The following DNAH17 variants were observed in gnomAD, a reference collection of about 807,000 sequenced individuals.
DNAH17 encodes the protein dynein axonemal heavy chain 17.
A neutral mutation model predicts 485.6 loss-of-function variants in DNAH17; 376 were observed. That is an observed-to-expected ratio of 0.77 (90% CI 0.71 to 0.84). The LOEUF is 0.84. Among genes scored for constraint, DNAH17 ranks in the 40% least tolerant of loss-of-function variants. The pLI is 0.00. For missense variants in DNAH17, 6,370 were observed against 5,839.3 expected (o/e 1.09, Z -2.96); for synonymous variants, 3,031 against 2,405.9 (o/e 1.26, Z -7.60).
chr17:78,544,037 G>C (rs373299270), intron 16 of DNAH17, 40 bp from the exon 17 acceptor site: 2 of 1,612,800 alleles, frequency 1.2e-6, no homozygotes, highest in African/African-American at 2.7e-5. Context: ...GTGTTCTGGA[G>C]AAACTGCTTT....
Position 78,562,005 on chromosome 17 carries a change from T to TC in DNAH17, c.1570-26dup, listed in dbSNP as rs745501989. 6 of 1,545,370 alleles carry TC rather than the reference T, an allele frequency of 3.9e-6. No individual in the cohort carries two copies. The African/African-American group carries it at 5.5e-5, about 14-fold the overall frequency. On this transcript the variant is annotated intron_variant, in intron 11 of 80. Transcript: ENST00000389840. ...GCTGAGGACAAAGGAGAAGGGGGCC[T>TC]CTTCACCACAGTCTCCTCCCCTTCC... is the stretch of plus-strand genomic sequence containing the variant.
intron 48 of DNAH17, 58 bp downstream of exon 48, chr17:78,484,810 G>T: frequency 1.0e-5 from 13 of 1,258,100 alleles, no homozygotes; most frequent in Non-Finnish European, 1.2e-5. Context: ...GCCCCGCCCT[G>T]GCCCCGCCCT....
chr17:78,445,585 G>A lies in DNAH17; in HGVS notation c.11307C>T (p.Leu3769=). ...KAGVVSPVDF[L]QHQGWGGIKA... ...TGATCCCGCCCCAGCCTTGATGCTGGAGGAAGTCCACTGGTGAGACCACTC... is the reference window on the plus strand; with the variant it reads ...TGATCCCGCCCCAGCCTTGATGCTGAAGGAAGTCCACTGGTGAGACCACTC... Residue 3769 remains leucine, a synonymous_variant, in exon 70 of 81, where the codon CTC becomes CTT. Transcript: ENST00000389840. The A allele has an allele frequency of 6.4e-7, 1 of 1,563,344 alleles. No individual in the cohort carries two copies. The highest frequency in any genetic ancestry group is 8.7e-7 in the Non-Finnish European group (1 of 1,153,472).
chr17:78,484,816 G>A (rs1237403258), intron 48 of DNAH17, 52 bp downstream of exon 48: 12 of 1,249,090 alleles, frequency 9.6e-6, no homozygotes, highest in Middle Eastern at 2.5e-4. Context: ...CCCTGGCCCC[G>A]CCCTCACCGC....
At chr17:78,483,749 G>C (rs1485893731) in intron 48 of DNAH17, among the ~76,000 whole-genome samples, 1 of 152,130 alleles carries the variant, frequency 6.6e-6, no homozygotes, top group Non-Finnish European at 1.5e-5. Context: ...CAGGCTTCAT[G>C]AACGAGCAGA....
chr17:78,472,317 G>C (rs530512259), intron 54 of DNAH17, among the ~76,000 whole-genome samples: 1 of 142,382 alleles, frequency 7.0e-6, no homozygotes, highest in South Asian at 2.1e-4. Flanking sequence ...CGAGGGTTAG[G>C]GTTAGGGAAT....
Position 78,475,305 on chromosome 17 carries a change from C to A in DNAH17, c.8484G>T (p.Lys2828Asn). Residue 2828 changes from lysine (K) to asparagine (N), a missense_variant, in exon 54 of 81, where the codon AAG becomes AAT. Coordinates refer to ENST00000389840, the MANE Select transcript of DNAH17 (RefSeq NM_173628.4). ...SGLDVFQITL[K>N]KGYGIPDLKI... is the part of the protein sequence containing the mutation. ...TGAGGTCGGGGATCCCGTAGCCCTT[C>A]TTGAGGGTGATCTGAAACACGTCAA... 6.2e-7 allele frequency: 1 copy of A among 1,614,046 alleles called. No homozygotes were observed.
rs370344478 is a variant in DNAH17, at chr17:78,480,013, CTTTTTTTTTTTTTT to C, written c.7753-395_7753-382del. Among the ~76,000 whole-genome samples, 153 of 70,538 alleles carry C rather than the reference CTTTTTTTTTTTTTT, an allele frequency of 2.2e-3. 4 individuals carry two copies. The highest frequency in any genetic ancestry group is 3.8e-3 in the African/African-American group (91 of 23,652). The allele number at this position is 70,538 out of a possible 152,430, so 46.3% of individuals were successfully genotyped here. Reference sequence around the variant, plus strand: ...CTGAATTTCAGATAAACAACAAGTACTTTTTTTTTTTTTTTTTTTTTTTTTTTTTTTTTTTTAAA... The same window carrying C: ...CTGAATTTCAGATAAACAACAAGTACTTTTTTTTTTTTTTTTTTTTTTAAA... On this transcript the variant is annotated intron_variant, in intron 49 of 80. Coordinates refer to ENST00000389840, the MANE Select transcript of DNAH17 (RefSeq NM_173628.4).
chr17:78,570,410 G>C, intron 6 of DNAH17, 38 bp from the exon 7 acceptor site: 1 of 1,594,538 alleles, frequency 6.3e-7, no homozygotes, highest in Non-Finnish European at 8.5e-7. Context: ...GGAGGGGACT[G>C]GCCGCTGCAC....
chr17:78,466,855 T>C, intron 55 of DNAH17, 39 bp from the exon 56 acceptor site: 1 of 1,512,032 alleles, frequency 6.6e-7, no homozygotes, highest in Middle Eastern at 1.7e-4. Flanking sequence ...CTACTGGGAC[T>C]GCAGTGCTGG....
At chr17:78,521,864 G>C (rs532015295) in intron 25 of DNAH17, among the ~76,000 whole-genome samples, 1 of 152,094 alleles carries the variant, frequency 6.6e-6, no homozygotes, top group African/African-American at 2.4e-5. Context: ...GCGTGCGCCT[G>C]TAATCCCAGC....
rs1244711923 is a variant in DNAH17, at chr17:78,491,573, G to T, written c.6542-3C>A. ...TCGCATGATGGTGGAGAACAGGCCT[G>T]GGGGAGGCGCGTGGTATGACCCCGG... is the stretch of plus-strand genomic sequence containing the variant. On this transcript the variant is annotated splice_polypyrimidine_tract_variant and splice_region_variant and intron_variant, in intron 42 of 80. Transcript: ENST00000389840. The T allele has an allele frequency of 6.2e-7, 1 of 1,613,568 alleles. No homozygotes were observed. The highest frequency in any genetic ancestry group is 8.5e-7 in the Non-Finnish European group (1 of 1,179,758).
intron 49 of DNAH17, 126 bp downstream of exon 49, chr17:78,480,558 A>C: frequency 1.4e-6 from 1 of 716,634 alleles, no homozygotes; most frequent in Non-Finnish European, 2.2e-6. Flanking sequence ...CTGCAAAGTT[A>C]AGGAGTTCTC....
intron 44 of DNAH17, among the ~76,000 whole-genome samples, chr17:78,488,054 T>C (rs968448042): frequency 1.1e-4 from 17 of 150,706 alleles, no homozygotes; most frequent in African/African-American, 3.6e-4. Context: ...GAGATTGATT[T>C]GCAAATCTAC....
At chr17:78,445,379 T>C (rs2087242322) in intron 70 of DNAH17, among the ~76,000 whole-genome samples, 179 bp downstream of exon 70, 1 of 152,172 alleles carries the variant, frequency 6.6e-6, no homozygotes, top group African/African-American at 2.4e-5. Flanking sequence ...CGCAGAGCTA[T>C]CTGTGAGCTG....
In DNAH17 at chr17:78,423,738, A is replaced by G. The variant is rs1331551130; in HGVS notation, c.*168T>C. On this transcript the variant is annotated 3_prime_UTR_variant, in exon 81 of 81. Transcript: ENST00000389840. ...CTTTAATCTGCCCCACCTCTTCCAC[A>G]CCAACCTCCACCCTCTGGTTCCGAT... 1 of 885,054 alleles carries G rather than the reference A, an allele frequency of 1.1e-6. No individual in the cohort carries two copies. The highest frequency in any genetic ancestry group is 1.7e-6 in the Non-Finnish European group (1 of 581,852). 54.8% of individuals were successfully genotyped at this position (885,054 alleles called of 1,614,324 possible).
chr17:78,431,548 T>A (rs912003847), intron 75 of DNAH17, among the ~76,000 whole-genome samples: 2 of 150,390 alleles, frequency 1.3e-5, no homozygotes, highest in African/African-American at 5.0e-5. Context: ...TCCATCAGAC[T>A]TTTGTGTTCC....
intron 36 of DNAH17, chr17:78,500,053 A>G (rs959587684): frequency 2.9e-5 from 13 of 449,124 alleles, no homozygotes; most frequent in African/African-American, 4.1e-5. Flanking sequence ...TGAAATTGAG[A>G]GAGGGTCACC....
chr17:78,513,618 C>T (rs12103426), intron 26 of DNAH17, among the ~76,000 whole-genome samples: 24,133 of 152,034 alleles, frequency 0.16, 2,167 homozygotes, highest in Middle Eastern at 0.2. Context: ...GTATTTTTAG[C>T]AGGGATGGGG....
Sources: allele counts gnomAD v4.1 joint callset (sites outside exome capture counted in the v4.1 genomes callset), GRCh38; gene constraint gnomAD v4.1.1; transcripts MANE v1.5; gene names NCBI Gene and HGNC (gene_info 2026-07-23, HGNC 2026-07-21).